Variants in ACTR2 observed in about 807,000 individuals in gnomAD.
ACTR2 encodes actin related protein 2.
A neutral mutation model predicts 50.2 loss-of-function variants in ACTR2; 5 were observed. The ratio of observed to expected loss-of-function variants is 0.10; its 90% CI spans 0.05 to 0.21. The LOEUF is 0.21. Ranked by LOEUF, ACTR2 falls within the 10% of genes least tolerant of loss-of-function variation. The pLI is 1.00. For synonymous variants in ACTR2, 140 were observed against 162.9 expected, an observed-to-expected ratio of 0.86 and a Z score of 1.07; for missense variants, 180 against 480.6, an observed-to-expected ratio of 0.37 and a Z score of 5.85.
At chr2:65,266,827 A>G (rs920536647) in intron 8 of ACTR2, among the ~76,000 whole-genome samples, 2 of 152,162 alleles carry the variant, frequency 1.3e-5, no homozygotes, top group Admixed American at 6.5e-5. Flanking sequence ...GGTTAGTGAT[A>G]CATTATAGCA....
At position 65,268,785 on chromosome 2, in the gene ACTR2, T is replaced by C; in HGVS notation, c.*51T>C. On this transcript the variant is annotated 3_prime_UTR_variant, in exon 9 of 9. Transcript: ENST00000260641. ...CCGTAATGCTTTCTTTTTTCCTTTA[T>C]TGCCAATCTTTGAACTCATTCAACT... The C allele has an allele frequency of 6.4e-7, 1 of 1,562,988 alleles. No homozygotes were observed. The highest frequency in any genetic ancestry group is 8.7e-7 in the Non-Finnish European group (1 of 1,150,708).
chr2:65,246,667 T>G lies in ACTR2; in HGVS notation c.303T>G (p.Asp101Glu). 6.2e-7 allele frequency: 1 copy of G among 1,613,580 alleles called. No individual in the cohort carries two copies. Among genetic ancestry groups the G allele is most frequent in the Non-Finnish European group, 8.5e-7 (1 of 1,179,810 alleles). ...TTGGACCAGAGAAACTTAATATAGATACCAGAAATTGTAAAATCTTACTCA... is the reference window on the plus strand; with the variant it reads ...TTGGACCAGAGAAACTTAATATAGAGACCAGAAATTGTAAAATCTTACTCA... ...YTFGPEKLNI[D>E]TRNCKILLTE... The change falls in exon 3 of 9, where the codon GAT becomes GAG. Residue 101 changes from aspartate to glutamate, a missense_variant. Asp to Glu is a conservative substitution (Grantham distance 45, BLOSUM62 2). Coordinates refer to ENST00000260641, the MANE Select transcript of ACTR2 (RefSeq NM_005722.4).
intron 1 of ACTR2, among the ~76,000 whole-genome samples, chr2:65,231,393 A>G (rs907171704): frequency 1.3e-5 from 2 of 152,230 alleles, no homozygotes; most frequent in African/African-American, 2.4e-5. Context: ...ATGAATAATC[A>G]TCTTGATTTT....
chr2:65,247,575 G>A (rs1438918847), intron 3 of ACTR2, among the ~76,000 whole-genome samples: 4 of 152,010 alleles, frequency 2.6e-5, no homozygotes, highest in Non-Finnish European at 5.9e-5. Context: ...GCGACAGAGC[G>A]AGACTCCGTC....
At chr2:65,241,805 G>A (rs779469898) in intron 2 of ACTR2, among the ~76,000 whole-genome samples, 3 of 152,148 alleles carry the variant, frequency 2.0e-5, no homozygotes, top group African/African-American at 4.8e-5. Flanking sequence ...TAGCTAAAAT[G>A]TGGTAGACTG....
At chr2:65,231,367 C>G (rs543055231) in intron 1 of ACTR2, among the ~76,000 whole-genome samples, 61 of 152,262 alleles carry the variant, frequency 4.0e-4, no homozygotes, top group African/African-American at 1.3e-3. Flanking sequence ...TATTCTGTTT[C>G]TTACCATTTG....
chr2:65,253,471 T>G (rs1394502313), intron 4 of ACTR2, among the ~76,000 whole-genome samples: 1 of 151,794 alleles, frequency 6.6e-6, no homozygotes, highest in Non-Finnish European at 1.5e-5. Context: ...AAAAAAGTCC[T>G]GTTTTTCAGT....
At chr2:65,247,540 A>T (rs1186552589) in intron 3 of ACTR2, among the ~76,000 whole-genome samples, 1 of 152,150 alleles carries the variant, frequency 6.6e-6, no homozygotes, top group East Asian at 1.9e-4. Context: ...GTGAGTGGAG[A>T]TCGTGCCACT....
At chr2:65,251,995 T>C (rs1044580476) in intron 4 of ACTR2, among the ~76,000 whole-genome samples, 12 of 152,140 alleles carry the variant, frequency 7.9e-5, no homozygotes, top group Admixed American at 2.0e-4. Context: ...CTGTCAGATA[T>C]GTGCCAAGGA....
At chr2:65,261,725 T>A (rs1672272786) in intron 7 of ACTR2, among the ~76,000 whole-genome samples, 1 of 152,246 alleles carries the variant, frequency 6.6e-6, no homozygotes, top group South Asian at 2.1e-4. Context: ...ATAGTCATGC[T>A]GATTTCAGAT....
intron 1 of ACTR2, among the ~76,000 whole-genome samples, chr2:65,235,316 A>T (rs1671719701): frequency 6.6e-6 from 1 of 152,200 alleles, no homozygotes; most frequent in Non-Finnish European, 1.5e-5. Flanking sequence ...CTGAGAAAAA[A>T]TGAACTACTA....
intron 1 of ACTR2, among the ~76,000 whole-genome samples, chr2:65,234,469 A>G (rs1029998525): frequency 2.0e-5 from 3 of 152,008 alleles, no homozygotes; most frequent in African/African-American, 7.3e-5. Flanking sequence ...AGTTGTTTTT[A>G]TAGTTTCAGG....
chr2:65,249,224 T>C (rs1304630523), intron 3 of ACTR2, among the ~76,000 whole-genome samples: 1 of 152,216 alleles, frequency 6.6e-6, no homozygotes, highest in Non-Finnish European at 1.5e-5. Context: ...ACGAATATGT[T>C]TAAATGTTGA....
chr2:65,247,642 G>A (rs1671964128), intron 3 of ACTR2, among the ~76,000 whole-genome samples: 1 of 152,126 alleles, frequency 6.6e-6, no homozygotes, highest in Non-Finnish European at 1.5e-5. Context: ...TTAAGTGGAT[G>A]TAGATCATCA....
chr2:65,250,938 A>G (rs1240138249), intron 3 of ACTR2, 89 bp from the exon 4 acceptor site: 11 of 836,956 alleles, frequency 1.3e-5, no homozygotes, highest in Admixed American at 3.0e-5. Flanking sequence ...ATTTTGGGCA[A>G]TTAATTCACT....
chr2:65,236,985 A>G (rs1199276340), intron 1 of ACTR2, among the ~76,000 whole-genome samples: 1 of 152,186 alleles, frequency 6.6e-6, no homozygotes, highest in African/African-American at 2.4e-5. Flanking sequence ...TTTTCTGAAT[A>G]TTAAATATAT....
chr2:65,253,716 G>A lies in ACTR2; in HGVS notation c.449-12G>A. The A allele has an allele frequency of 6.2e-7, 1 of 1,606,652 alleles. No homozygotes were observed. The highest frequency in any genetic ancestry group is 8.5e-7 in the Non-Finnish European group (1 of 1,177,398). On this transcript the variant is annotated splice_polypyrimidine_tract_variant and intron_variant, in intron 4 of 8. Transcript: ENST00000260641. ...TTGACTTTTTATTTAAATCCCCCTGGCTTTTATGCAGGTTTATTGACTGGT... is the reference window on the plus strand; with the variant it reads ...TTGACTTTTTATTTAAATCCCCCTGACTTTTATGCAGGTTTATTGACTGGT...
Position 65,270,866 on chromosome 2 carries a change from T to C in ACTR2, c.*2132T>C, listed in dbSNP as rs1397768643. The C allele has an allele frequency of 6.6e-6, 1 of 152,058 alleles. No homozygotes were observed. Among genetic ancestry groups the C allele is most frequent in the Non-Finnish European group, 1.5e-5 (1 of 68,008 alleles). 9.4% of individuals were successfully genotyped at this position (152,058 alleles called of 1,614,324 possible). A position where few individuals can be genotyped will look rare whatever the true frequency, so the allele number is the denominator to read the frequency against. On this transcript the variant is annotated 3_prime_UTR_variant, in exon 9 of 9. Transcript: ENST00000260641. ...AATTTGGGATTTGGGTGGAGTATTA[T>C]GTTTAACTGGAGTTGTCAAGTATGA... is the stretch of plus-strand genomic sequence containing the variant.
intron 1 of ACTR2, among the ~76,000 whole-genome samples, chr2:65,230,085 A>G (rs558097899): frequency 6.6e-6 from 1 of 152,214 alleles, no homozygotes; most frequent in Non-Finnish European, 1.5e-5. Flanking sequence ...CAAAGCAAGT[A>G]TTATTAAACT....
Sources: gnomAD v4.1 joint callset for allele counts (sites outside exome capture counted in the v4.1 genomes callset) on GRCh38, gnomAD v4.1.1 for gene constraint, MANE v1.5 for transcripts, NCBI Gene and HGNC (gene_info 2026-07-23, HGNC 2026-07-21) for gene names.